The following PDE1C variants were observed in gnomAD, a reference collection of about 807,000 sequenced individuals.
The protein encoded by PDE1C is dual specificity calcium/calmodulin-dependent 3',5'-cyclic nucleotide phosphodiesterase 1C.
In PDE1C, 62 loss-of-function variants were observed where a neutral mutation model predicts 93.1. That is an observed-to-expected ratio of 0.67 (90% CI 0.54 to 0.82). PDE1C has a LOEUF of 0.82. Ranked by LOEUF, PDE1C falls within the 40% of genes least tolerant of loss-of-function variation. The pLI, the probability that PDE1C is intolerant of heterozygous loss-of-function variation, is 0.00. For synonymous variants in PDE1C, 325 were observed against 310.1 expected (o/e 1.05, Z -0.50); for missense variants, 742 against 884.6 (o/e 0.84, Z 2.04).
At chr7:32,406,512 C>T (rs1300383274) in intron 1 of PDE1C, among the ~76,000 whole-genome samples, 1 of 134,538 alleles carries the variant, frequency 7.4e-6, no homozygotes, top group African/African-American at 2.9e-5. Context: ...GATGTTTACA[C>T]CAAAACACCT....
In PDE1C at chr7:31,816,163, A is replaced by G. The variant is rs1562854235; in HGVS notation, c.1583-9T>C. ...CTTCTTGGCCTTCTCCTCTGCATCC[A>G]TGGCAAGTTGGGAAAGCCACAGAAA... On this transcript the variant is annotated splice_polypyrimidine_tract_variant and intron_variant, in intron 14 of 17. Transcript: ENST00000396191. 8.1e-6 allele frequency: 13 copies of G among 1,610,362 alleles called. No individual in the cohort carries two copies. The highest frequency in any genetic ancestry group is 1.0e-5 in the Non-Finnish European group (12 of 1,178,582).
At chr7:32,374,250 GGAAAGGAAGAAA>G (rs1784388355) in intron 1 of PDE1C, among the ~76,000 whole-genome samples, 2 of 57,846 alleles carry the variant, frequency 3.5e-5, no homozygotes, top group African/African-American at 5.9e-5. Context: ...AGGAAGGAAA[GGAAAGGAAGAAA>G]GAAAGAAAGA....
intron 2 of PDE1C, among the ~76,000 whole-genome samples, chr7:32,025,556 G>A (rs1584499254): frequency 6.6e-6 from 1 of 152,262 alleles, no homozygotes; most frequent in East Asian, 1.9e-4. Flanking sequence ...TGAGGAGGCT[G>A]GGAGGAGTGG....
At chr7:31,797,828 A>C (rs750016553) in intron 16 of PDE1C, among the ~76,000 whole-genome samples, 14 of 151,880 alleles carry the variant, frequency 9.2e-5, no homozygotes, top group Admixed American at 2.6e-4. Context: ...GATGACTGAA[A>C]GTGAACAAGA....
chr7:31,886,999 T>C (rs1562973085), intron 2 of PDE1C, among the ~76,000 whole-genome samples: 1 of 152,050 alleles, frequency 6.6e-6, no homozygotes, highest in African/African-American at 2.4e-5. Flanking sequence ...TGGAGAATGT[T>C]AAAATGGAGG....
At chr7:31,885,526 T>G (rs1797759905) in intron 2 of PDE1C, among the ~76,000 whole-genome samples, 1 of 152,232 alleles carries the variant, frequency 6.6e-6, no homozygotes, top group Non-Finnish European at 1.5e-5. Context: ...ATACTGAATC[T>G]CTTCAGTTCC....
rs1264689165 is a variant in PDE1C at position 31,913,862 on chromosome 7, CA to C, written c.129-33003del. ...CATCTCTGCTCTTGAGCACAAAGAA[CA>C]AAGTTTTTCAAAAGGAACTTGCACA... On this transcript the variant is annotated intron_variant, in intron 2 of 17. Coordinates refer to ENST00000396191, the MANE Select transcript of PDE1C (RefSeq NM_001191057.4). Among the ~76,000 whole-genome samples, 3 of 152,164 alleles carry C rather than the reference CA, an allele frequency of 2.0e-5. No individual in the cohort carries two copies. The East Asian group carries it at 5.8e-4, about 29-fold the overall frequency.
chr7:32,177,820 A>G (rs1803115140), intron 2 of PDE1C, among the ~76,000 whole-genome samples: 1 of 152,206 alleles, frequency 6.6e-6, no homozygotes, highest in South Asian at 2.1e-4. Context: ...TATCTTTTCA[A>G]TGTCAGTCAC....
chr7:32,136,855 A>G (rs1800238124), intron 3 of PDE1C, among the ~76,000 whole-genome samples: 2 of 152,212 alleles, frequency 1.3e-5, no homozygotes, highest in Admixed American at 6.5e-5. Flanking sequence ...CGCAAAAATT[A>G]TCTTCATCTG....
At chr7:31,687,154 AT>A in the PDE1C span, 1 of 152,336 alleles carries the variant, frequency 6.6e-6, no homozygotes, top group Non-Finnish European at 1.5e-5. Context: ...GAAACAGAGC[AT>A]CCCCATGGCA....
intron 2 of PDE1C, among the ~76,000 whole-genome samples, chr7:31,938,702 T>A (rs761793464): frequency 1.3e-5 from 2 of 152,112 alleles, no homozygotes; most frequent in Non-Finnish European, 2.9e-5. Flanking sequence ...GTTGAATGAA[T>A]AACTGAATGA....
chr7:31,746,503 G>T (rs6966077), downstream of PDE1C, among the ~76,000 whole-genome samples: 141,019 of 152,248 alleles, frequency 0.93, 65,815 homozygotes, highest in East Asian at 1. Context: ...AAGGACAAAT[G>T]CATAGATTCA....
chr7:32,060,502 T>G (rs1794683707), intron 1 of PDE1C, among the ~76,000 whole-genome samples: 1 of 152,084 alleles, frequency 6.6e-6, no homozygotes, highest in Non-Finnish European at 1.5e-5. Context: ...TCTATAAATC[T>G]CAACAATTTA....
intron 3 of PDE1C, among the ~76,000 whole-genome samples, chr7:32,147,656 G>C (rs887317985): frequency 1.3e-5 from 2 of 152,096 alleles, no homozygotes; most frequent in Non-Finnish European, 2.9e-5. Context: ...ATCCCTCCTT[G>C]TGCTGGACTC....
chr7:32,221,771 G>A (rs779845584), intron 1 of PDE1C, among the ~76,000 whole-genome samples: 1 of 152,022 alleles, frequency 6.6e-6, no homozygotes, highest in Middle Eastern at 3.2e-3. Context: ...TTAACATCAC[G>A]ACTTTTTAAA....
chr7:31,971,880 TC>T (rs1811011558), intron 2 of PDE1C, among the ~76,000 whole-genome samples: 1 of 152,202 alleles, frequency 6.6e-6, no homozygotes, highest in Non-Finnish European at 1.5e-5. Flanking sequence ...TAGTGCTAAT[TC>T]CTCTCCTTGC....
chr7:32,407,118 G>A (rs556756413), intron 1 of PDE1C, among the ~76,000 whole-genome samples: 593 of 152,110 alleles, frequency 3.9e-3, no homozygotes, highest in African/African-American at 0.011. Flanking sequence ...TACTAAAAAT[G>A]CAAAAAATTA....
intron 6 of PDE1C, among the ~76,000 whole-genome samples, chr7:31,872,274 G>C (rs947396804): frequency 6.6e-6 from 1 of 152,038 alleles, no homozygotes; most frequent in Non-Finnish European, 1.5e-5. Flanking sequence ...TAATGGGTAC[G>C]AACATACAGT....
intron 9 of PDE1C, among the ~76,000 whole-genome samples, chr7:31,845,586 G>A (rs1018913820): frequency 3.3e-5 from 5 of 152,052 alleles, no homozygotes; most frequent in Non-Finnish European, 7.4e-5. Flanking sequence ...TAGACGATGG[G>A]TTGATGGGTG....
Sources: allele counts gnomAD v4.1 joint callset (sites outside exome capture counted in the v4.1 genomes callset), GRCh38; gene constraint gnomAD v4.1.1; transcripts MANE v1.5; gene names NCBI Gene and HGNC (gene_info 2026-07-23, HGNC 2026-07-21).